Variants in PCDH15 observed in about 807,000 individuals in gnomAD.
PCDH15 encodes protocadherin related 15, also known as protocadherin-15.
PCDH15 carries 129 observed loss-of-function variants against 178.5 expected under a neutral mutation model. That is an observed-to-expected ratio of 0.72 (90% CI 0.63 to 0.84). The LOEUF is 0.84. Ranked by LOEUF, PCDH15 falls within the 40% of genes least tolerant of loss-of-function variation. The pLI, the probability that PCDH15 is intolerant of heterozygous loss-of-function variation, is 0.00. For synonymous variants in PCDH15, 800 were observed against 732.0 expected, an observed-to-expected ratio of 1.09 and a Z score of -1.50; for missense variants, 2,230 against 2,099.9, an observed-to-expected ratio of 1.06 and a Z score of -1.21.
intron 2 of PCDH15, among the ~76,000 whole-genome samples, chr10:54,623,534 G>T (rs2093453791): frequency 6.6e-6 from 1 of 151,820 alleles, no homozygotes; most frequent in Non-Finnish European, 1.5e-5. Context: ...GGTACTGATT[G>T]TTATTGTTAT....
At chr10:54,772,421 G>GA (rs1411159557) in intron 1 of PCDH15, among the ~76,000 whole-genome samples, 1 of 152,018 alleles carries the variant, frequency 6.6e-6, no homozygotes, top group Non-Finnish European at 1.5e-5. Flanking sequence ...TTATGGCTTG[G>GA]AAAAATCACC....
At chr10:54,166,734 C>T (rs1173862006) in intron 13 of PCDH15, among the ~76,000 whole-genome samples, 1 of 151,442 alleles carries the variant, frequency 6.6e-6, no homozygotes, top group African/African-American at 2.4e-5. Context: ...CACTTATACG[C>T]CCAGATGGCC....
intron 2 of PCDH15, among the ~76,000 whole-genome samples, chr10:54,971,828 T>G (rs1838941169): frequency 6.6e-6 from 1 of 152,176 alleles, no homozygotes; most frequent in Admixed American, 6.5e-5. Flanking sequence ...AAACTCAAGT[T>G]TTCAGTTTAG....
chr10:55,446,311 G>GTATATATA (rs144192137), intron 2 of PCDH15, among the ~76,000 whole-genome samples: 41 of 149,206 alleles, frequency 2.7e-4, no homozygotes, highest in East Asian at 5.9e-4. Context: ...ATAGATATGT[G>GTATATATA]TATATATATA....
chr10:54,296,815 C>A (rs1383498695), intron 8 of PCDH15, among the ~76,000 whole-genome samples: 1 of 152,158 alleles, frequency 6.6e-6, no homozygotes, highest in African/African-American at 2.4e-5. Flanking sequence ...ACTCTTCCAA[C>A]CCTGGAGATC....
chr10:53,823,188 AATT>A (rs775797262), intron 32 of PCDH15: 1 of 1,614,000 alleles, frequency 6.2e-7, no homozygotes, highest in Non-Finnish European at 8.5e-7. Context: ...TAGAAATGTG[AATT>A]TTCTTGCAGA....
intron 25 of PCDH15, among the ~76,000 whole-genome samples, chr10:53,907,513 T>C (rs549895926): frequency 6.6e-6 from 1 of 152,292 alleles, no homozygotes; most frequent in African/African-American, 2.4e-5. Context: ...AAAAAAGTTA[T>C]TTGGAAAGTG....
rs1165633171 is a variant in PCDH15 at position 53,959,813 on chromosome 10, G to A, written c.3041C>T (p.Pro1014Leu). Residue 1014 changes from proline (P) to leucine (L), a missense_variant, in exon 23 of 38, where the codon CCT becomes CTT. Coordinates refer to ENST00000644397, the MANE Select transcript of PCDH15 (RefSeq NM_001384140.1). Reference sequence around the variant, plus strand: ...CACTGTGGCACTGCTGGACATCACAGGCTCCCCATCATCAAAAGCAACCAC... The same window carrying A: ...CACTGTGGCACTGCTGGACATCACAAGCTCCCCATCATCAAAAGCAACCAC... ...LVVVAFDDGE[P>L]VMSSSATVKI... 6.2e-7 allele frequency: 1 copy of A among 1,613,924 alleles called. No homozygotes were observed. Among genetic ancestry groups the A allele is most frequent in the Admixed American group, 1.7e-5 (1 of 59,996 alleles).
At chr10:54,131,174 T>A (rs1221300464) in intron 15 of PCDH15, among the ~76,000 whole-genome samples, 3 of 152,216 alleles carry the variant, frequency 2.0e-5, no homozygotes, top group Non-Finnish European at 4.4e-5. Flanking sequence ...GTTTCCTAGA[T>A]CTTCCTGGAT....
intron 3 of PCDH15, among the ~76,000 whole-genome samples, chr10:54,493,307 G>C (rs759207309): frequency 6.7e-6 from 1 of 149,184 alleles, no homozygotes; most frequent in Non-Finnish European, 1.5e-5. Flanking sequence ...TCATTTCTCT[G>C]GGGGTGGGGG....
intron 30 of PCDH15, among the ~76,000 whole-genome samples, chr10:53,829,843 T>C (rs12248707): frequency 0.38 from 57,888 of 151,702 alleles, 11,638 homozygotes; most frequent in East Asian, 0.74. Flanking sequence ...CCTACTTCTG[T>C]GTAACGAATT....
At chr10:54,710,818 T>C (rs1437446811) in intron 1 of PCDH15, among the ~76,000 whole-genome samples, 4 of 152,018 alleles carry the variant, frequency 2.6e-5, no homozygotes, top group African/African-American at 9.7e-5. Flanking sequence ...TTGGGAGGTT[T>C]CTGGGTCTAC....
At chr10:54,847,699 T>G (rs1953539362) in intron 3 of PCDH15, among the ~76,000 whole-genome samples, 1 of 152,196 alleles carries the variant, frequency 6.6e-6, no homozygotes, top group Admixed American at 6.5e-5. Flanking sequence ...AAATTTGATT[T>G]AAGCCAATGG....
intron 1 of PCDH15, among the ~76,000 whole-genome samples, chr10:54,669,347 T>C (rs2135483527): frequency 6.6e-6 from 1 of 151,604 alleles, no homozygotes; most frequent in South Asian, 2.1e-4. Flanking sequence ...AATATACATA[T>C]GTATAAGTTT....
At chr10:55,084,462 T>TAAAAAAAAAAAAAAAAAAAAAAAAAAAA (rs71461276) in intron 2 of PCDH15, among the ~76,000 whole-genome samples, 2 of 145,556 alleles carry the variant, frequency 1.4e-5, no homozygotes, top group African/African-American at 5.0e-5. Flanking sequence ...CCTCAAGCTG[T>TAAAAAAAAAAAAAAAAAAAAAAAAAAAA]AAAAAAAAAA....
At chr10:55,231,109 A>G (rs1841205359) in intron 1 of PCDH15, among the ~76,000 whole-genome samples, 2 of 152,026 alleles carry the variant, frequency 1.3e-5, no homozygotes, top group Non-Finnish European at 2.9e-5. Flanking sequence ...ACGTAGCCAG[A>G]ATATAGCTTT....
chr10:53,888,297 T>TATAC, intron 26 of PCDH15, among the ~76,000 whole-genome samples: 1 of 73,610 alleles, frequency 1.4e-5, no homozygotes, highest in Middle Eastern at 0.011. Flanking sequence ...TATACATATA[T>TATAC]ATATATATAT....
chr10:54,442,435 T>TATATATATATATATATAC (rs2075870617), intron 3 of PCDH15, among the ~76,000 whole-genome samples: 1 of 117,476 alleles, frequency 8.5e-6, no homozygotes, highest in African/African-American at 3.8e-5. Flanking sequence ...TATATATATA[T>TATATATATATATATATAC]ATATATATAT....
chr10:53,964,492 A>G (rs1589656115), intron 21 of PCDH15, among the ~76,000 whole-genome samples: 1 of 137,808 alleles, frequency 7.3e-6, no homozygotes, highest in South Asian at 2.3e-4. Context: ...AAAATTATTT[A>G]TAAAAATTTT....
Sources: allele counts gnomAD v4.1 joint callset (sites outside exome capture counted in the v4.1 genomes callset), GRCh38; gene constraint gnomAD v4.1.1; transcripts MANE v1.5; gene names NCBI Gene and HGNC (gene_info 2026-07-23, HGNC 2026-07-21).